Variants in KRABD2 observed in about 807,000 individuals in gnomAD.
The protein encoded by KRABD2 is KRAB domain-containing protein 2.
chr17:8,359,406 T>C, the KRABD2 span: 4 of 359,142 alleles, frequency 1.1e-5, no homozygotes, highest in Non-Finnish European at 1.6e-5. Flanking sequence ...CTTGGAAACT[T>C]AGCTTGTGTG....
the KRABD2 span, among the ~76,000 whole-genome samples, chr17:8,364,769 C>T: frequency 6.6e-6 from 1 of 152,098 alleles, no homozygotes; most frequent in African/African-American, 2.4e-5. The surrounding 1 kb of genome is among the most constrained non-coding windows in gnomAD (Gnocchi z 4.4). Flanking sequence ...CACCATGGCT[C>T]ACGTCTGTAA....
At chr17:8,376,620 T>C in the KRABD2 span, 19 of 985,622 alleles carry the variant, frequency 1.9e-5, no homozygotes, top group South Asian at 1.4e-4. Context: ...AGCTGCAGAC[T>C]GAGGAAGGTC....
the KRABD2 span, among the ~76,000 whole-genome samples, chr17:8,370,961 G>A: frequency 6.6e-6 from 1 of 152,104 alleles, no homozygotes; most frequent in African/African-American, 2.4e-5. Context: ...TTGAGGTCAG[G>A]AGTTCAAGAA....
chr17:8,372,291 AAC>A, the KRABD2 span, among the ~76,000 whole-genome samples: 4 of 152,244 alleles, frequency 2.6e-5, no homozygotes, highest in Non-Finnish European at 5.9e-5. The surrounding 1 kb of genome is among the most constrained non-coding windows in gnomAD (Gnocchi z 4.1). Flanking sequence ...TGAGAGGAAA[AAC>A]AGTGTGTATT....
the KRABD2 span, chr17:8,376,693 A>G: frequency 5.5e-5 from 54 of 984,054 alleles, no homozygotes; most frequent in African/African-American, 8.0e-4. Flanking sequence ...GAGGCCCCCG[A>G]GCAGCAACTC....
At chr17:8,369,548 G>C in the KRABD2 span, 1 of 1,614,166 alleles carries the variant, frequency 6.2e-7, no homozygotes, top group Non-Finnish European at 8.5e-7. Flanking sequence ...CCTGGCTTTG[G>C]CCAGGGTGGT....
chr17:8,366,513 C>T, the KRABD2 span, among the ~76,000 whole-genome samples: 16 of 152,174 alleles, frequency 1.1e-4, 1 homozygote, highest in Admixed American at 9.2e-4. Context: ...AAGTGGCAGA[C>T]GCATACCCAA....
chr17:8,376,156 C>A, the KRABD2 span: 21 of 1,231,528 alleles, frequency 1.7e-5, no homozygotes, highest in Non-Finnish European at 2.0e-5. Context: ...TTTGGAGGGC[C>A]CACGAATACA....
At chr17:8,367,497 T>A in the KRABD2 span, among the ~76,000 whole-genome samples, 1 of 136,622 alleles carries the variant, frequency 7.3e-6, no homozygotes. Context: ...AGATTCTGTC[T>A]CCAAAAAAAA....
chr17:8,369,048 TC>T, the KRABD2 span: 1 of 1,511,778 alleles, frequency 6.6e-7, no homozygotes, highest in Non-Finnish European at 8.8e-7. Flanking sequence ...CAGCCTTCAA[TC>T]TTTTCCTCTG....
chr17:8,367,680 A>G, the KRABD2 span, among the ~76,000 whole-genome samples: 3 of 148,124 alleles, frequency 2.0e-5, no homozygotes, highest in Admixed American at 6.7e-5. Context: ...AAAAAAAAAA[A>G]CAAGTGAACA....
the KRABD2 span, chr17:8,369,041 C>T: frequency 1.3e-6 from 2 of 1,501,310 alleles, no homozygotes; most frequent in South Asian, 1.4e-5. Context: ...GAGAGTGCAG[C>T]CTTCAATCTT....
chr17:8,376,345 A>C, the KRABD2 span: 2 of 1,205,056 alleles, frequency 1.7e-6, no homozygotes. Context: ...CTCATCTACA[A>C]CCCGGGGAGA....
At chr17:8,367,369 C>A in the KRABD2 span, among the ~76,000 whole-genome samples, 1 of 151,796 alleles carries the variant, frequency 6.6e-6, no homozygotes, top group African/African-American at 2.4e-5. Context: ...CGTGGGGGTG[C>A]GTGCCTGTAG....
At chr17:8,359,821 T>C in the KRABD2 span, 5 of 455,950 alleles carry the variant, frequency 1.1e-5, no homozygotes, top group Non-Finnish European at 2.2e-5. Context: ...GAGATCCTAA[T>C]GGTCCCTACA....
chr17:8,375,064 T>TGC, the KRABD2 span, among the ~76,000 whole-genome samples: 1 of 149,624 alleles, frequency 6.7e-6, no homozygotes, highest in Non-Finnish European at 1.5e-5. Context: ...CAGGCTGGAG[T>TGC]GCAGTGGCGC....
At chr17:8,376,657 G>C in the KRABD2 span, 1 of 985,216 alleles carries the variant, frequency 1.0e-6, no homozygotes, top group Non-Finnish European at 1.2e-6. Context: ...CACACCAGAC[G>C]CGGCGTCTGA....
At chr17:8,375,127 T>C in the KRABD2 span, among the ~76,000 whole-genome samples, 1 of 151,394 alleles carries the variant, frequency 6.6e-6, no homozygotes, top group Non-Finnish European at 1.5e-5. Flanking sequence ...TTCTCCTGCC[T>C]CAGCCTCCCG....
the KRABD2 span, chr17:8,368,639 T>A: frequency 6.6e-6 from 1 of 151,108 alleles, no homozygotes; most frequent in Non-Finnish European, 1.5e-5. Context: ...GGTGGTAATT[T>A]TTTTTTTTTT....
Sources: gnomAD v4.1 joint callset for allele counts (sites outside exome capture counted in the v4.1 genomes callset) on GRCh38, gnomAD v4.1.1 for gene constraint, Gnocchi (gnomAD v3.1) non-coding constraint, MANE v1.5 for transcripts, NCBI Gene and HGNC (gene_info 2026-07-23, HGNC 2026-07-21) for gene names.